SLC19A3: variants seen among roughly 807,000 people sequenced by gnomAD.
SLC19A3 encodes thiamine transporter 2.
SLC19A3 carries 31 observed loss-of-function variants against 40.2 expected under a neutral mutation model. The observed-to-expected ratio is 0.77, with a 90% CI of 0.58 to 1.04. The LOEUF (loss-of-function observed/expected upper bound fraction) is 1.04. Ranked by LOEUF, SLC19A3 falls within the 50% of genes least tolerant of loss-of-function variation. The pLI is 0.00. For synonymous variants in SLC19A3, 212 were observed against 227.5 expected, an observed-to-expected ratio of 0.93 and a Z score of 0.61; for missense variants, 592 against 596.7, an observed-to-expected ratio of 0.99 and a Z score of 0.08.
Position 227,699,542 on chromosome 2 carries a change from A to G in SLC19A3, c.173T>C (p.Val58Ala). ...SAEITNEIFP[V>A]WTYSYLVLLL... Reference sequence around the variant, plus strand: ...CAGCACCAGGTAGGAGTATGTCCAAACGGGGAAGATCTCATTTGTTATCTG... The same window carrying G: ...CAGCACCAGGTAGGAGTATGTCCAAGCGGGGAAGATCTCATTTGTTATCTG... The change falls in exon 3 of 6, where the codon GTT becomes GCT. Residue 58 changes from valine (V) to alanine (A), a missense_variant. Transcript: ENST00000644224. 1 of 1,614,160 alleles carries G rather than the reference A, an allele frequency of 6.2e-7. No individual in the cohort carries two copies. Among genetic ancestry groups the G allele is most frequent in the South Asian group, 1.1e-5 (1 of 91,080 alleles).
rs769256469 is a variant in SLC19A3, at chr2:227,714,703, CAAAAAAAAA to C, written c.-3+3231_-3+3239del. 4.6e-3 allele frequency: 821 copies of C among 177,160 alleles called. 7 individuals are homozygous for C. Among genetic ancestry groups the C allele is most frequent in the African/African-American group, 0.034 (743 of 21,712 alleles). 11.0% of individuals were successfully genotyped at this position (177,160 alleles called of 1,614,324 possible). ...AGCCGATGACATTTGAAATCCCATCCAAAAAAAAAAAAAAAAAAAAGCAGACACCCAGAT... is the reference window on the plus strand; with the variant it reads ...AGCCGATGACATTTGAAATCCCATCCAAAAAAAAAAAGCAGACACCCAGAT... On this transcript the variant is annotated intron_variant, in intron 1 of 5. Coordinates refer to ENST00000644224, the MANE Select transcript of SLC19A3 (RefSeq NM_025243.4).
In SLC19A3 at chr2:227,688,203, A is replaced by G. The variant is rs1440728788; in HGVS notation, c.1277T>C (p.Val426Ala). 6.2e-7 allele frequency: 1 copy of G among 1,614,008 alleles called. No homozygotes were observed. Among genetic ancestry groups the G allele is most frequent in the Non-Finnish European group, 8.5e-7 (1 of 1,179,986 alleles). ...TGGCAAGTTGAGCCCTCTCTGATCT[A>G]CTACAATCACAGTCATGATGGTCTG... ...VIQTIMTVIV[V>A]DQRGLNLPVS... The change falls in exon 5 of 6, where the codon GTA becomes GCA. Residue 426 changes from valine (V) to alanine (A), a missense_variant. Physicochemically the swap from Val to Ala is moderately conservative, Grantham distance 64. Transcript: ENST00000644224.
rs1163293911 is a variant in SLC19A3 at position 227,702,723 on chromosome 2, T to A, written c.-2-403A>T. 24 of 205,310 alleles carry A rather than the reference T, an allele frequency of 1.2e-4. 1 individual carries two copies. The highest frequency in any genetic ancestry group is 2.2e-4 in the Non-Finnish European group (22 of 100,212). The allele number at this position is 205,310 out of a possible 1,614,324, so 12.7% of individuals were successfully genotyped here. On this transcript the variant is annotated intron_variant, in intron 1 of 5. Coordinates refer to ENST00000644224, the MANE Select transcript of SLC19A3 (RefSeq NM_025243.4). The stretch of plus-strand genomic sequence containing the variant: ...AGAAGAAACAAAAAACAAAAAACAA[T>A]CATTGTATGGCAGCTATATTTGAAA...
chr2:227,716,561 C>A (rs34241868), intron 1 of SLC19A3, among the ~76,000 whole-genome samples: 22,265 of 152,154 alleles, frequency 0.15, 2,146 homozygotes, highest in South Asian at 0.33. Flanking sequence ...CCTGAACAGA[C>A]CCATTCACAA....
At chr2:227,705,649 C>A in intron 1 of SLC19A3, among the ~76,000 whole-genome samples, 1 of 151,912 alleles carries the variant, frequency 6.6e-6, no homozygotes, top group Non-Finnish European at 1.5e-5. Context: ...GGCAACCTGG[C>A]CAGTGGGAAT....
Position 227,687,234 on chromosome 2 carries a change from G to C in SLC19A3, c.*163C>G. 1 of 671,370 alleles carries C rather than the reference G, an allele frequency of 1.5e-6. No individual in the cohort carries two copies. The highest frequency in any genetic ancestry group is 2.5e-6 in the Non-Finnish European group (1 of 403,704). The allele number at this position is 671,370 out of a possible 1,614,324, so 41.6% of individuals were successfully genotyped here. ...CATCCAGTAAAATTGGTCACATAGA[G>C]AACTCATCTAAAACTGAGGTTTTGT... On this transcript the variant is annotated 3_prime_UTR_variant, in exon 6 of 6. Coordinates refer to ENST00000644224, the MANE Select transcript of SLC19A3 (RefSeq NM_025243.4).
chr2:227,702,859 C>T (rs1695758181), intron 1 of SLC19A3: 1 of 160,848 alleles, frequency 6.2e-6, no homozygotes, highest in African/African-American at 2.4e-5. Context: ...TTTGATGGTC[C>T]TGCATGTGGC....
chr2:227,685,979 C>T lies in SLC19A3; in HGVS notation c.*1418G>A. 1 of 220,896 alleles carries T rather than the reference C, an allele frequency of 4.5e-6. No homozygotes were observed. Among genetic ancestry groups the T allele is most frequent in the Non-Finnish European group, 9.5e-6 (1 of 105,176 alleles). 13.7% of individuals were successfully genotyped at this position (220,896 alleles called of 1,614,324 possible). A position where few individuals can be genotyped will look rare whatever the true frequency, so the allele number is the denominator to read the frequency against. On this transcript the variant is annotated 3_prime_UTR_variant, in exon 6 of 6. Transcript: ENST00000644224. Reference sequence around the variant, plus strand: ...TGGGAGGCCGAGGCAGACAGATCACCTGAAGTCAGGAGTTTGAGACCAGCC... The same window carrying T: ...TGGGAGGCCGAGGCAGACAGATCACTTGAAGTCAGGAGTTTGAGACCAGCC...
At chr2:227,702,887 A>G (rs555965235) in intron 1 of SLC19A3, 1 of 157,228 alleles carries the variant, frequency 6.4e-6, no homozygotes. Context: ...TCTGAGATAC[A>G]TTTATAGGAA....
intron 4 of SLC19A3, 91 bp downstream of exon 4, chr2:227,695,798 C>T: frequency 7.5e-7 from 1 of 1,338,628 alleles, no homozygotes; most frequent in South Asian, 1.2e-5. Context: ...TTGCAATTGA[C>T]TAAAATCCTT....
intron 3 of SLC19A3, among the ~76,000 whole-genome samples, chr2:227,698,020 A>C (rs1297812643): frequency 1.3e-5 from 2 of 152,082 alleles, no homozygotes; most frequent in Non-Finnish European, 2.9e-5. Flanking sequence ...CAGAGGTTGC[A>C]GTGAGCTGAG....
Position 227,699,121 on chromosome 2 carries a change from A to G in SLC19A3, c.594T>C (p.Phe198=), listed in dbSNP as rs1415080237. 1 of 1,614,192 alleles carries G rather than the reference A, an allele frequency of 6.2e-7. No individual in the cohort carries two copies. Among genetic ancestry groups the G allele is most frequent in the Admixed American group, 1.7e-5 (1 of 60,032 alleles). The change falls in exon 3 of 6, where the codon TTT becomes TTC. Residue 198 remains phenylalanine, a synonymous_variant. Transcript: ENST00000644224. ...LFLPMPKKSM[F]FHAKPSREIK... ...TTTCTCTGCTGGGTTTTGCATGAAA[A>G]AACATGCTTTTCTTGGGCATTGGTA... is the stretch of plus-strand genomic sequence containing the variant.
intron 1 of SLC19A3, among the ~76,000 whole-genome samples, chr2:227,708,599 A>C (rs1337280848): frequency 1.4e-5 from 2 of 141,368 alleles, no homozygotes; most frequent in African/African-American, 5.2e-5. Context: ...CAAACCAAAA[A>C]AACAACAAAA....
intron 2 of SLC19A3, chr2:227,701,161 A>G: frequency 8.3e-7 from 1 of 1,198,892 alleles, no homozygotes. Context: ...CTACAGAAGA[A>G]GCTTGCCTTT....
At chr2:227,691,627 A>G (rs1202427571) in intron 4 of SLC19A3, among the ~76,000 whole-genome samples, 1 of 152,052 alleles carries the variant, frequency 6.6e-6, no homozygotes, top group Non-Finnish European at 1.5e-5. Flanking sequence ...GAAAAGAAGA[A>G]AAAAAAAGTC....
intron 2 of SLC19A3, 125 bp from the exon 3 acceptor site, chr2:227,699,689 A>G: frequency 2.3e-6 from 2 of 851,360 alleles, no homozygotes; most frequent in Non-Finnish European, 3.9e-6. Context: ...TAATGAGAAA[A>G]CTGATTTTCA....
Position 227,696,095 on chromosome 2 carries a change from T to A in SLC19A3, c.980-14A>T, listed in dbSNP as rs200542114. On this transcript the variant is annotated splice_polypyrimidine_tract_variant and intron_variant, in intron 3 of 5. Transcript: ENST00000644224. ...CAGCCACAGCCCCTGAAAAAAAACA[T>A]TGAAGGCAATCAAACATAATGACTT... The A allele has an allele frequency of 2.5e-6, 4 of 1,612,830 alleles. No homozygotes were observed. The Admixed American group carries it at 5.0e-5, about 20-fold the overall frequency.
At chr2:227,692,555 A>G (rs1695273519) in intron 4 of SLC19A3, among the ~76,000 whole-genome samples, 1 of 152,220 alleles carries the variant, frequency 6.6e-6, no homozygotes, top group South Asian at 2.1e-4. Context: ...CATAGTCAAC[A>G]TAATAAAAGC....
intron 1 of SLC19A3, among the ~76,000 whole-genome samples, chr2:227,713,945 G>A (rs1177595000): frequency 2.6e-5 from 4 of 151,888 alleles, no homozygotes; most frequent in African/African-American, 4.8e-5. Flanking sequence ...ACTACTTCAT[G>A]CTGATAGAAA....
Sources: gnomAD v4.1 joint callset for allele counts (sites outside exome capture counted in the v4.1 genomes callset) on GRCh38, gnomAD v4.1.1 for gene constraint, MANE v1.5 for transcripts, NCBI Gene and HGNC (gene_info 2026-07-23, HGNC 2026-07-21) for gene names.